Variants in DHRS4L2 observed in about 807,000 individuals in gnomAD.
The protein encoded by DHRS4L2 is dehydrogenase/reductase SDR family member 4-like 2.
A neutral mutation model predicts 23.9 loss-of-function variants in DHRS4L2; 22 were observed. That is an observed-to-expected ratio of 0.92 (90% confidence interval 0.66 to 1.31). The LOEUF (loss-of-function observed/expected upper bound fraction) is 1.31. DHRS4L2 is among the 40% of genes most tolerant of loss of function. The pLI is 0.00. For synonymous variants in DHRS4L2, 141 were observed against 123.7 expected (o/e 1.14, Z -0.93); for missense variants, 385 against 303.3 (o/e 1.27, Z -2.00).
At position 23,977,499 on chromosome 14, in the gene DHRS4L2, G is replaced by C. The variant is rs553272556; in HGVS notation, c.-176+7167G>C. Among the ~76,000 whole-genome samples, 45 of 151,710 alleles carry C rather than the reference G, an allele frequency of 3.0e-4. 1 individual carries two copies. The highest frequency in any genetic ancestry group is 7.9e-4 in the Admixed American group (12 of 15,262). On this transcript the variant is annotated intron_variant, in intron 1 of 5. Transcript: ENST00000534993. ...TCTATATACTATGCATAAGGGAGTA[G>C]AGCAGCAGGTAAATTCACTTTACGG... is the stretch of plus-strand genomic sequence containing the variant.
At chr14:23,970,564 G>A (rs2033834309) in intron 1 of DHRS4L2, among the ~76,000 whole-genome samples, 1 of 152,124 alleles carries the variant, frequency 6.6e-6, no homozygotes, top group South Asian at 2.1e-4. Flanking sequence ...AAAGGCAGCG[G>A]ACAGCTTCTG....
upstream of DHRS4L2, among the ~76,000 whole-genome samples, chr14:23,986,703 T>C (rs536101191): frequency 6.6e-6 from 1 of 151,432 alleles, no homozygotes; most frequent in Admixed American, 6.6e-5. Context: ...TGGGCCCGTC[T>C]ACCTCTGAAG....
chr14:23,982,390 C>G (rs2034070740), intron 1 of DHRS4L2, among the ~76,000 whole-genome samples: 1 of 151,634 alleles, frequency 6.6e-6, no homozygotes, highest in South Asian at 2.1e-4. Context: ...CATCTCAGGG[C>G]AAAGCAATTG....
At chr14:23,992,878 G>A (rs2138541128) in intron 2 of DHRS4L2, among the ~76,000 whole-genome samples, 1 of 145,978 alleles carries the variant, frequency 6.9e-6, no homozygotes, top group East Asian at 2.0e-4. Context: ...TAGAGTTGGG[G>A]CTGTATTTCC....
chr14:24,001,086 T>C lies in DHRS4L2; in HGVS notation c.531+2T>C. On this transcript the variant is annotated splice_donor_variant, in intron 5 of 7. Coordinates refer to ENST00000335125, the MANE Select transcript of DHRS4L2 (RefSeq NM_198083.4). LOFTEE classifies it high-confidence loss of function. ...ATAGCAGCCTTCAGTCCATCTCCTGTAAGAACCCTTTTGTCTACCTCTTCC... is the reference window on the plus strand; with the variant it reads ...ATAGCAGCCTTCAGTCCATCTCCTGCAAGAACCCTTTTGTCTACCTCTTCC... The C allele has an allele frequency of 6.2e-7, 1 of 1,610,780 alleles. No individual in the cohort carries two copies.
intron 1 of DHRS4L2, among the ~76,000 whole-genome samples, chr14:23,972,612 G>T (rs139473524): frequency 0.03 from 4,531 of 152,034 alleles, 232 homozygotes; most frequent in African/African-American, 0.1. Flanking sequence ...GGTATTTCTA[G>T]TCAGGTGGGA....
At chr14:23,988,643 C>T (rs946272968), upstream of DHRS4L2, 7 of 455,222 alleles carry the variant, frequency 1.5e-5, no homozygotes, top group Non-Finnish European at 2.4e-5. Context: ...AGAAGGGCAG[C>T]AGCCAAAGTC....
intron 1 of DHRS4L2, among the ~76,000 whole-genome samples, chr14:23,971,258 A>G (rs1317013979): frequency 6.6e-6 from 1 of 152,050 alleles, no homozygotes; most frequent in Admixed American, 6.5e-5. Context: ...CCTTCAAAAA[A>G]AGGTTAAACG....
intron 3 of DHRS4L2, among the ~76,000 whole-genome samples, chr14:23,997,119 A>T (rs1412764141): frequency 6.8e-6 from 1 of 146,184 alleles, no homozygotes; most frequent in African/African-American, 2.5e-5. Context: ...TTGGTTTCCC[A>T]GTGCATATAA....
exon 1 of DHRS4L2, chr14:23,969,913 C>T (rs1253469502): frequency 2.3e-6 from 1 of 439,410 alleles, no homozygotes; most frequent in Non-Finnish European, 4.6e-6. Flanking sequence ...CGTGGGAGCC[C>T]GCGCTCCAAG....
chr14:23,981,608 G>T (rs1298170318), intron 1 of DHRS4L2, among the ~76,000 whole-genome samples: 10 of 151,560 alleles, frequency 6.6e-5, no homozygotes, highest in Admixed American at 3.9e-4. Context: ...TGGGCCCAGG[G>T]GACTGGCACT....
rs368780596 is a variant in DHRS4L2, at chr14:23,991,393, G to A, written c.306+1034G>A. Among the ~76,000 whole-genome samples, 168 of 151,856 alleles carry A rather than the reference G, an allele frequency of 1.1e-3. 4 individuals are homozygous for A. Among genetic ancestry groups the A allele is most frequent in the Non-Finnish European group, 1.6e-3 (112 of 67,934 alleles). On this transcript the variant is annotated intron_variant, in intron 2 of 7. Transcript: ENST00000335125. ...CTTGATCCTGATGGTGGAAGGAGCC[G>A]TTTGGGAGTCTGGATCAATTAGCAC... is the stretch of plus-strand genomic sequence containing the variant.
chr14:23,985,980 C>T (rs2034133116), upstream of DHRS4L2, among the ~76,000 whole-genome samples: 1 of 151,510 alleles, frequency 6.6e-6, no homozygotes, highest in Non-Finnish European at 1.5e-5. Flanking sequence ...AGGATTTCAC[C>T]ATGTTAGCCA....
At chr14:23,998,540 C>T (rs796549063) in intron 3 of DHRS4L2, among the ~76,000 whole-genome samples, 1 of 150,834 alleles carries the variant, frequency 6.6e-6, no homozygotes, top group East Asian at 1.9e-4. Flanking sequence ...GCAGCTTCTA[C>T]ATCAGCACTC....
chr14:23,984,119 T>C (rs1427396293), upstream of DHRS4L2, among the ~76,000 whole-genome samples: 1 of 151,420 alleles, frequency 6.6e-6, no homozygotes, highest in Non-Finnish European at 1.5e-5. Flanking sequence ...TGAAGGGCAG[T>C]ATGTGCAGTG....
intron 6 of DHRS4L2, 42 bp from the exon 7 acceptor site, chr14:24,004,295 A>G: frequency 1.3e-6 from 2 of 1,542,364 alleles, no homozygotes; most frequent in East Asian, 2.4e-5. Context: ...AAAAGAAAGG[A>G]AAAGAAAAAA....
intron 1 of DHRS4L2, among the ~76,000 whole-genome samples, chr14:23,983,574 A>G (rs1391639637): frequency 6.6e-6 from 1 of 151,662 alleles, no homozygotes; most frequent in East Asian, 1.9e-4. Flanking sequence ...ATAAAGACAC[A>G]TGCACACATA....
intron 1 of DHRS4L2, 68 bp from the exon 2 acceptor site, chr14:23,990,114 C>G: frequency 1.3e-6 from 2 of 1,592,382 alleles, no homozygotes; most frequent in Middle Eastern, 1.7e-4. Flanking sequence ...GTCTTAACTT[C>G]AGAGCCCATG....
intron 1 of DHRS4L2, among the ~76,000 whole-genome samples, chr14:23,973,527 A>G (rs959818679): frequency 6.6e-6 from 1 of 151,954 alleles, no homozygotes; most frequent in Non-Finnish European, 1.5e-5. Context: ...CTGCCAGCAC[A>G]CTGCCACCTC....
Sources: allele counts gnomAD v4.1 joint callset (sites outside exome capture counted in the v4.1 genomes callset), GRCh38; gene constraint gnomAD v4.1.1; transcripts MANE v1.5; gene names NCBI Gene and HGNC (gene_info 2026-07-23, HGNC 2026-07-21).